GPBP1L1: variants seen among roughly 807,000 people sequenced by gnomAD.
GPBP1L1 encodes the protein GC-rich promoter binding protein 1 like 1.
A neutral mutation model predicts 52.5 loss-of-function variants in GPBP1L1; 23 were observed. The observed-to-expected ratio is 0.44, with a 90% confidence interval of 0.32 to 0.62. The LOEUF (loss-of-function observed/expected upper bound fraction) is 0.62. Among genes scored for constraint, GPBP1L1 ranks in the 20% least tolerant of loss-of-function variants. GPBP1L1 has a pLI of 0.06. For synonymous variants in GPBP1L1, 243 were observed against 203.1 expected (o/e 1.20, Z -1.67); for missense variants, 596 against 579.3 (o/e 1.03, Z -0.30).
intron 12 of GPBP1L1, 121 bp downstream of exon 12, chr1:45,629,455 C>CCCCG (rs1644500025): frequency 9.7e-4 from 47 of 48,328 alleles, no homozygotes; most frequent in South Asian, 2.6e-3. Flanking sequence ...CTAAGGTAAT[C>CCCCG]CCCCCCCCCC....
chr1:45,667,890 G>T (rs1331454539), intron 2 of GPBP1L1, among the ~76,000 whole-genome samples: 1 of 152,078 alleles, frequency 6.6e-6, no homozygotes, highest in Non-Finnish European at 1.5e-5. Context: ...TGAGATTACA[G>T]GCATGTGTGA....
At position 45,654,686 on chromosome 1, in the gene GPBP1L1, C is replaced by T; in HGVS notation, c.334G>A (p.Gly112Ser). ...GHDGMSQRSG[G>S]GTGNHRHWNG... Reference sequence around the variant, plus strand: ...CAATGGCGATGGTTCCCTGTGCCACCTCCACTACGTTGGCTCATGCCATCA... The same window carrying T: ...CAATGGCGATGGTTCCCTGTGCCACTTCCACTACGTTGGCTCATGCCATCA... The change falls in exon 6 of 13, where the codon GGT (glycine) becomes AGT (serine). Residue 112 changes from glycine to serine, a missense_variant. Physicochemically the swap from Gly to Ser is moderately conservative, Grantham distance 56. Transcript: ENST00000355105. The T allele has an allele frequency of 6.2e-7, 1 of 1,614,182 alleles. No individual in the cohort carries two copies. The highest frequency in any genetic ancestry group is 8.5e-7 in the Non-Finnish European group (1 of 1,180,030).
chr1:45,683,208 T>C (rs1449588618), intron 2 of GPBP1L1, among the ~76,000 whole-genome samples: 1 of 76,248 alleles, frequency 1.3e-5, no homozygotes, highest in Non-Finnish European at 2.9e-5. Context: ...TAGGCCTTTT[T>C]TTTTTTTTTT....
chr1:45,631,708 T>C (rs1468359601), intron 10 of GPBP1L1, among the ~76,000 whole-genome samples: 1 of 152,066 alleles, frequency 6.6e-6, no homozygotes, highest in East Asian at 1.9e-4. Context: ...ACTGCTTGAG[T>C]CTAGGAGTTT....
Position 45,658,996 on chromosome 1 carries a change from T to A in GPBP1L1, c.60+32A>T, listed in dbSNP as rs751182130. 3 of 1,437,826 alleles carry A rather than the reference T, an allele frequency of 2.1e-6. No individual in the cohort carries two copies. The South Asian group carries it at 3.4e-5, about 17-fold the overall frequency. The allele number at this position is 1,437,826 out of a possible 1,614,324, so 89.1% of individuals were successfully genotyped here. On this transcript the variant is annotated intron_variant, in intron 4 of 12. Transcript: ENST00000355105. ...AACCACCCCCAAACCCTCTCATATT[T>A]GAGAAGTTACTACAGGAATGGAGAA...
chr1:45,638,327 T>TC (rs1355243481), intron 8 of GPBP1L1, among the ~76,000 whole-genome samples: 14 of 152,194 alleles, frequency 9.2e-5, no homozygotes, highest in Admixed American at 8.5e-4. Flanking sequence ...TGCCACTACC[T>TC]CCACATATTT....
chr1:45,629,510 G>T lies in GPBP1L1; in HGVS notation c.1272+66C>A, dbSNP rs1025491992. ...CATTAAACTTGCTCCCTCAGGGCAA[G>T]AACTGTCTTGACTCCTTATTCTCCT... is the stretch of plus-strand genomic sequence containing the variant. On this transcript the variant is annotated intron_variant, in intron 12 of 12. Transcript: ENST00000355105. The T allele has an allele frequency of 2.1e-5, 10 of 482,726 alleles. No homozygotes were observed. The Admixed American group carries it at 2.6e-4, about 13-fold the overall frequency. 29.9% of individuals were successfully genotyped at this position (482,726 alleles called of 1,614,324 possible). A position where few individuals can be genotyped will look rare whatever the true frequency, so the allele number is the denominator to read the frequency against.
In GPBP1L1 at chr1:45,628,214, CAG is replaced by C. The variant is rs766518015; in HGVS notation, c.*40_*41del. On this transcript the variant is annotated 3_prime_UTR_variant, in exon 13 of 13. Coordinates refer to ENST00000355105, the MANE Select transcript of GPBP1L1 (RefSeq NM_021639.5). Reference sequence around the variant, plus strand: ...TTCTTTTGTATACTCCCTAAACACACAGAGTTTACTGGGTCAGATTTAACTGT... The same window carrying C: ...TTCTTTTGTATACTCCCTAAACACACAGTTTACTGGGTCAGATTTAACTGT... 3.8e-6 allele frequency: 6 copies of C among 1,591,212 alleles called. No individual in the cohort carries two copies. In the South Asian group the frequency reaches 4.4e-5, roughly 12 times the overall value.
intron 2 of GPBP1L1, among the ~76,000 whole-genome samples, chr1:45,669,014 G>A (rs1645043199): frequency 6.6e-6 from 1 of 152,140 alleles, no homozygotes; most frequent in Non-Finnish European, 1.5e-5. Flanking sequence ...TTCTCCATCT[G>A]TCATTGATAC....
At chr1:45,632,506 AG>A (rs1179420064) in intron 10 of GPBP1L1, among the ~76,000 whole-genome samples, 1 of 152,212 alleles carries the variant, frequency 6.6e-6, no homozygotes, top group African/African-American at 2.4e-5. Context: ...ACTTGAGGCC[AG>A]GAGTTCAAGA....
At chr1:45,670,134 C>T (rs1395627354) in intron 2 of GPBP1L1, among the ~76,000 whole-genome samples, 1 of 152,232 alleles carries the variant, frequency 6.6e-6, no homozygotes, top group Non-Finnish European at 1.5e-5. Context: ...TTTAAGCGTT[C>T]CATCTGCTTT....
Position 45,633,618 on chromosome 1 carries a change from C to T in GPBP1L1, c.915G>A (p.Glu305=). 1.2e-6 allele frequency: 2 copies of T among 1,613,934 alleles called. No homozygotes were observed. Among genetic ancestry groups the T allele is most frequent in the Non-Finnish European group, 1.7e-6 (2 of 1,179,984 alleles). Residue 305 remains glutamate (E), a synonymous_variant, in exon 10 of 13, where the codon GAG becomes GAA. Transcript: ENST00000355105. ...ESPSSTTPPI[E]ISSSRLTKLT... ...ACTTGGTCAGACGAGAGGAGCTGAT[C>T]TCAATTGGAGGGGTGGTGCTGGAGG...
chr1:45,665,020 GGCTCACACCTGTAATCCTA>G, intron 2 of GPBP1L1, among the ~76,000 whole-genome samples: 1 of 152,078 alleles, frequency 6.6e-6, no homozygotes. Flanking sequence ...CGGGCGTGGT[GGCTCACACCTGTAATCCTA>G]GCACTTTGGG....
At chr1:45,659,530 A>G (rs1569842429) in intron 3 of GPBP1L1, among the ~76,000 whole-genome samples, 1 of 152,184 alleles carries the variant, frequency 6.6e-6, no homozygotes, top group East Asian at 1.9e-4. Flanking sequence ...AAGCTAATGA[A>G]TTCTTGATTG....
At chr1:45,669,470 T>C (rs1019885908) in intron 2 of GPBP1L1, among the ~76,000 whole-genome samples, 2 of 152,202 alleles carry the variant, frequency 1.3e-5, no homozygotes, top group Non-Finnish European at 2.9e-5. Context: ...AATAGCTCTA[T>C]GGGAAAATCT....
At chr1:45,669,857 A>G (rs1474644556) in intron 2 of GPBP1L1, among the ~76,000 whole-genome samples, 1 of 152,004 alleles carries the variant, frequency 6.6e-6, no homozygotes, top group Non-Finnish European at 1.5e-5. Flanking sequence ...ACTTATATCC[A>G]TAAAAATGAA....
intron 2 of GPBP1L1, among the ~76,000 whole-genome samples, chr1:45,676,211 G>T (rs1234426968): frequency 6.6e-6 from 1 of 152,108 alleles, no homozygotes; most frequent in Non-Finnish European, 1.5e-5. Context: ...AAGATTTTCT[G>T]AAGAATATGA....
At chr1:45,658,907 A>G in intron 4 of GPBP1L1, 121 bp downstream of exon 4, 4 of 732,462 alleles carry the variant, frequency 5.5e-6, no homozygotes, top group Non-Finnish European at 9.9e-6. Flanking sequence ...ACACTACCGC[A>G]CTTCATCCTG....
At chr1:45,630,344 G>A (rs1644514030) in intron 11 of GPBP1L1, 138 bp downstream of exon 11, 1 of 957,594 alleles carries the variant, frequency 1.0e-6, no homozygotes, top group Non-Finnish European at 1.6e-6. Context: ...GCCAACCTGG[G>A]GCATACACAG....
Sources: allele counts gnomAD v4.1 joint callset (sites outside exome capture counted in the v4.1 genomes callset), GRCh38; gene constraint gnomAD v4.1.1; transcripts MANE v1.5; gene names NCBI Gene and HGNC (gene_info 2026-07-23, HGNC 2026-07-21).